The following MYO15A variants were observed in gnomAD, a reference collection of about 807,000 sequenced individuals.
MYO15A encodes the protein myosin XVA.
A neutral mutation model predicts 394.6 loss-of-function variants in MYO15A; 308 were observed. That is an observed-to-expected ratio of 0.78 (90% CI 0.71 to 0.86). The LOEUF (loss-of-function observed/expected upper bound fraction) is 0.86, where lower values mean the gene tolerates loss of function less well. Ranked by LOEUF, MYO15A falls within the 40% of genes least tolerant of loss-of-function variation. The pLI, the probability that MYO15A is intolerant of heterozygous loss-of-function variation, is 0.00. For synonymous variants in MYO15A, 1,957 were observed against 2,003.8 expected, an observed-to-expected ratio of 0.98 and a Z score of 0.62; for missense variants, 4,606 against 4,799.1, an observed-to-expected ratio of 0.96 and a Z score of 1.19.
rs371548876 is a variant in MYO15A at position 18,120,430 on chromosome 17, C to T, written c.1630C>T (p.Arg544Cys). 179 of 1,592,148 alleles carry T rather than the reference C, an allele frequency of 1.1e-4. No homozygotes were observed. The highest frequency in any genetic ancestry group is 8.6e-4 in the Middle Eastern group (5 of 5,794). Residue 544 changes from arginine (R) to cysteine (C), a missense_variant, in exon 2 of 66, where the codon CGC becomes TGC. Physicochemically the swap from Arg to Cys is radical, Grantham distance 180. Transcript: ENST00000647165. ...CACGCCGCGCCAGCGCAACCTCCAG[C>T]GCGCGCTGTCGGCCTTCGGCGCCCA... ...FLTPRQRNLQRALSAFGAHRG... is the reference protein window; with the variant it reads ...FLTPRQRNLQCALSAFGAHRG...
At chr17:18,154,645 C>G (rs2046642562) in intron 44 of MYO15A, 35 bp from the exon 45 acceptor site, 2 of 1,608,164 alleles carry the variant, frequency 1.2e-6, no homozygotes, top group Non-Finnish European at 1.7e-6. Context: ...TGGGGGAGTC[C>G]CATGTGCTGC....
intron 7 of MYO15A, among the ~76,000 whole-genome samples, chr17:18,128,131 T>TGGGGTGTGAGAGGGAGAACTGTCGG: frequency 6.6e-6 from 1 of 151,914 alleles, no homozygotes; most frequent in African/African-American, 2.4e-5. Flanking sequence ...GAAGACAGAC[T>TGGGGTGTGAGAGGGAGAACTGTCGG]GGGGTGTGAG....
chr17:18,154,320 G>C (rs1320153754), intron 44 of MYO15A, 130 bp downstream of exon 44: 1 of 1,096,302 alleles, frequency 9.1e-7, no homozygotes, highest in African/African-American at 1.6e-5. Context: ...AGGATGGGCA[G>C]CTGTTTTATT....
Position 18,121,152 on chromosome 17 carries a change from G to A in MYO15A, c.2352G>A (p.Pro784=), listed in dbSNP as rs748006735. 2.6e-6 allele frequency: 4 copies of A among 1,511,976 alleles called. No individual in the cohort carries two copies. The highest frequency in any genetic ancestry group is 3.5e-6 in the Non-Finnish European group (4 of 1,136,490). 93.7% of individuals were successfully genotyped at this position (1,511,976 alleles called of 1,614,324 possible). Residue 784 remains proline (P), a synonymous_variant, in exon 2 of 66, where the codon CCG becomes CCA. Transcript: ENST00000647165. This position sits in a 1 kb window ranked among gnomAD's most constrained non-coding sequence, Gnocchi z 5.3. ...ASPQPSLRSS[P]GLGYCSPLAP... Reference sequence around the variant, plus strand: ...CCCAGCCCTCGCTGAGGAGCTCGCCGGGCCTCGGCTACTGCTCACCCTTGG... The same window carrying A: ...CCCAGCCCTCGCTGAGGAGCTCGCCAGGCCTCGGCTACTGCTCACCCTTGG...
At chr17:18,135,685 C>T (rs1416268141) in intron 12 of MYO15A, 26 bp from the exon 13 acceptor site, 3 of 1,604,952 alleles carry the variant, frequency 1.9e-6, no homozygotes, top group Non-Finnish European at 2.6e-6. Context: ...TAGTTCAAAG[C>T]ACATTCCTGT....
chr17:18,173,767 C>T lies in MYO15A; in HGVS notation c.10351-14C>T. 1 of 1,613,838 alleles carries T rather than the reference C, an allele frequency of 6.2e-7. No homozygotes were observed. The highest frequency in any genetic ancestry group is 1.6e-4 in the Middle Eastern group (1 of 6,062). ...GCCCACAGGCCTGTCCGGCCCCTCTCCTCCTACTCCCAGGAATTGATGGTG... is the reference window on the plus strand; with the variant it reads ...GCCCACAGGCCTGTCCGGCCCCTCTTCTCCTACTCCCAGGAATTGATGGTG... On this transcript the variant is annotated splice_polypyrimidine_tract_variant and intron_variant, in intron 64 of 65. Transcript: ENST00000647165.
chr17:18,155,506 A>C (rs1597808142), intron 47 of MYO15A, 74 bp downstream of exon 47: 1 of 1,347,310 alleles, frequency 7.4e-7, no homozygotes. Context: ...CTTCCCCTCC[A>C]CAGCCACTTA....
intron 42 of MYO15A, among the ~76,000 whole-genome samples, chr17:18,152,997 G>A (rs567507651): frequency 6.6e-6 from 1 of 152,322 alleles, no homozygotes; most frequent in Non-Finnish European, 1.5e-5. Flanking sequence ...TGAGAGCTTT[G>A]TTTCTGAATG....
At chr17:18,113,753 A>T (rs1391483857) in intron 1 of MYO15A, among the ~76,000 whole-genome samples, 4 of 149,262 alleles carry the variant, frequency 2.7e-5, no homozygotes, top group Non-Finnish European at 4.5e-5. Flanking sequence ...AAAAAAAAAA[A>T]GGCAAACATA....
intron 45 of MYO15A, 113 bp from the exon 46 acceptor site, chr17:18,154,997 A>G: frequency 9.2e-7 from 1 of 1,082,670 alleles, no homozygotes; most frequent in Non-Finnish European, 1.4e-6. Flanking sequence ...TAGTATAGAC[A>G]CTGGTCAGAT....
At chr17:18,144,996 G>C (rs1177519055) in intron 29 of MYO15A, among the ~76,000 whole-genome samples, 2 of 152,184 alleles carry the variant, frequency 1.3e-5, no homozygotes, top group African/African-American at 4.8e-5. Flanking sequence ...CAGGGCCAGA[G>C]AGGGCTTCCT....
Position 18,147,960 on chromosome 17 carries a change from C to T in MYO15A, c.6510-69C>T. On this transcript the variant is annotated intron_variant, in intron 30 of 65. Coordinates refer to ENST00000647165, the MANE Select transcript of MYO15A (RefSeq NM_016239.4). The surrounding 1 kb of genome is among the most constrained non-coding windows in gnomAD (Gnocchi z 4.4). Reference sequence around the variant, plus strand: ...CTAGCCTCAGAATTTCCTACCCCCACCCCGCAGCCCTCAGCCCCAAGCTAG... The same window carrying T: ...CTAGCCTCAGAATTTCCTACCCCCATCCCGCAGCCCTCAGCCCCAAGCTAG... 6.3e-7 allele frequency: 1 copy of T among 1,591,562 alleles called. No individual in the cohort carries two copies. The highest frequency in any genetic ancestry group is 8.6e-7 in the Non-Finnish European group (1 of 1,160,658).
At chr17:18,155,612 G>C (rs2046662848) in intron 47 of MYO15A, among the ~76,000 whole-genome samples, 180 bp downstream of exon 47, 1 of 152,192 alleles carries the variant, frequency 6.6e-6, no homozygotes, top group South Asian at 2.1e-4. Flanking sequence ...GAAGTTGTTT[G>C]TCTCAGGTCA....
Position 18,138,108 on chromosome 17 carries a change from C to A in MYO15A, c.4876-7C>A. The A allele has an allele frequency of 6.2e-7, 1 of 1,609,636 alleles. No individual in the cohort carries two copies. The highest frequency in any genetic ancestry group is 8.5e-7 in the Non-Finnish European group (1 of 1,179,998). ...GAGGTTGAGCTCCTGCTGCCCACTGCCTGCAGGAGGAGTACATCCGTGAGC... is the reference window on the plus strand; with the variant it reads ...GAGGTTGAGCTCCTGCTGCCCACTGACTGCAGGAGGAGTACATCCGTGAGC... On this transcript the variant is annotated splice_region_variant and splice_polypyrimidine_tract_variant and intron_variant, in intron 16 of 65. Coordinates refer to ENST00000647165, the MANE Select transcript of MYO15A (RefSeq NM_016239.4).
At position 18,120,528 on chromosome 17, in the gene MYO15A, CAAG is replaced by C. The variant is rs758228018; in HGVS notation, c.1733_1735del (p.Lys578del). 1.6e-5 allele frequency: 25 copies of C among 1,591,818 alleles called. No individual in the cohort carries two copies. Among genetic ancestry groups the C allele is most frequent in the Non-Finnish European group, 2.0e-5 (24 of 1,172,020 alleles). ...CTGCCACCTCGCTTGCGCGGTTCCT[CAAG>C]AAGACGCTGTCGGAGAAGAAGCCCA... On this transcript the variant is annotated inframe_deletion, in exon 2 of 66. Transcript: ENST00000647165.
In MYO15A at chr17:18,126,461, G is replaced by A; in HGVS notation, c.3866+5G>A. 6.2e-7 allele frequency: 1 copy of A among 1,611,872 alleles called. No individual in the cohort carries two copies. Among genetic ancestry groups the A allele is most frequent in the Non-Finnish European group, 8.5e-7 (1 of 1,178,226 alleles). On this transcript the variant is annotated splice_donor_5th_base_variant and intron_variant, in intron 5 of 65. Coordinates refer to ENST00000647165, the MANE Select transcript of MYO15A (RefSeq NM_016239.4). ...GGCCCTGGGAGAGAATCCCCCGTGA[G>A]TGTCTCGGGGGCGCTGCCCTGGGGT...
rs1025325211 is a variant in MYO15A at position 18,153,428 on chromosome 17, A to T, written c.7967-347A>T. ...GGAGGTGCCTGTGGCCGGGCGCAGTAGCTCATGCCTGTAATCCCAGCACTT... is the reference window on the plus strand; with the variant it reads ...GGAGGTGCCTGTGGCCGGGCGCAGTTGCTCATGCCTGTAATCCCAGCACTT... On this transcript the variant is annotated intron_variant, in intron 42 of 65. Coordinates refer to ENST00000647165, the MANE Select transcript of MYO15A (RefSeq NM_016239.4). This position sits in a 1 kb window ranked among gnomAD's most constrained non-coding sequence, Gnocchi z 4.1. 1 of 137,916 alleles carries T rather than the reference A, an allele frequency of 7.3e-6. No homozygotes were observed. Among genetic ancestry groups the T allele is most frequent in the African/African-American group, 2.8e-5 (1 of 35,150 alleles). 8.5% of individuals were successfully genotyped at this position (137,916 alleles called of 1,614,324 possible).
chr17:18,116,056 C>T (rs1228946971), intron 1 of MYO15A, among the ~76,000 whole-genome samples: 1 of 152,322 alleles, frequency 6.6e-6, no homozygotes, highest in Non-Finnish European at 1.5e-5. Context: ...TTAGACGGTG[C>T]CTAGCATGCA....
At position 18,114,802 on chromosome 17, in the gene MYO15A, C is replaced by T. The variant is rs73979294; in HGVS notation, c.-219-3780C>T. Among the ~76,000 whole-genome samples the T allele has an allele frequency of 5.3e-3, 803 of 152,286 alleles. 6 individuals are homozygous for T. The highest frequency in any genetic ancestry group is 0.018 in the African/African-American group (735 of 41,570). On this transcript the variant is annotated intron_variant, in intron 1 of 65. Coordinates refer to ENST00000647165, the MANE Select transcript of MYO15A (RefSeq NM_016239.4). ...CTCTACCTCCTCCTCTGGCTGGCTT[C>T]GTGGTGCTCACTCACTGCCTCCTTG...
Sources: gnomAD v4.1 joint callset for allele counts (sites outside exome capture counted in the v4.1 genomes callset) on GRCh38, gnomAD v4.1.1 for gene constraint, Gnocchi (gnomAD v3.1) non-coding constraint, MANE v1.5 for transcripts, NCBI Gene and HGNC (gene_info 2026-07-23, HGNC 2026-07-21) for gene names.